SINHCAF: variants seen among roughly 807,000 people sequenced by gnomAD.
SINHCAF encodes the protein SIN3-HDAC complex-associated factor.
In SINHCAF, 3 loss-of-function variants were observed where a neutral mutation model predicts 25.8. The ratio of observed to expected loss-of-function variants is 0.12; its 90% CI spans 0.05 to 0.30. SINHCAF has a LOEUF of 0.30. Ranked by LOEUF, SINHCAF falls within the 10% of genes least tolerant of loss-of-function variation. The pLI, the probability that SINHCAF is intolerant of heterozygous loss-of-function variation, is 1.00. For synonymous variants in SINHCAF, 70 were observed against 85.5 expected, an observed-to-expected ratio of 0.82 and a Z score of 1.00; for missense variants, 121 against 262.3, an observed-to-expected ratio of 0.46 and a Z score of 3.72.
chr12:31,310,716 G>A lies in SINHCAF; in HGVS notation c.-20-12492C>T, dbSNP rs11051384. 1.9e-3 allele frequency among the ~76,000 whole-genome samples: 291 copies of A among 152,086 alleles called. 7 individuals carry two copies. The East Asian group carries it at 0.048, about 25-fold the overall frequency. On this transcript the variant is annotated intron_variant, in intron 1 of 5. Transcript: ENST00000337682. ...GGTAGTGCATCACCCAAATTGTTTG[G>A]GAAATTTTAATAATATGTCATTTTT...
intron 1 of SINHCAF, among the ~76,000 whole-genome samples, chr12:31,314,481 G>A (rs1187882660): frequency 2.0e-5 from 3 of 151,968 alleles, no homozygotes; most frequent in African/African-American, 7.3e-5. Context: ...AGCCGAGATC[G>A]CGCCATTGCA....
intron 2 of SINHCAF, 91 bp from the exon 3 acceptor site, chr12:31,295,424 T>TAAACC: frequency 6.2e-6 from 5 of 802,150 alleles, no homozygotes; most frequent in Non-Finnish European, 1.1e-5. Flanking sequence ...ACTGTATCTA[T>TAAACC]GTATGGTTTA....
intron 1 of SINHCAF, among the ~76,000 whole-genome samples, chr12:31,312,860 CATT>C (rs1289420927): frequency 6.6e-6 from 1 of 152,126 alleles, no homozygotes; most frequent in Non-Finnish European, 1.5e-5. Flanking sequence ...AAATAATCTC[CATT>C]ATTATCTTCC....
Position 31,324,831 on chromosome 12 carries a change from T to G in SINHCAF, c.-21+1193A>C, listed in dbSNP as rs1460086082. On this transcript the variant is annotated intron_variant, in intron 1 of 5. Coordinates refer to ENST00000337682, the MANE Select transcript of SINHCAF (RefSeq NM_001135812.2). This position sits in a 1 kb window ranked among gnomAD's most constrained non-coding sequence, Gnocchi z 5.5. ...GAGCAGGCCCATTTAATCAAAGTTT[T>G]GCAGTGTCCTTGATGAGAAACGCCC... The G allele has an allele frequency of 5.2e-6, 2 of 384,050 alleles. No homozygotes were observed. The highest frequency in any genetic ancestry group is 1.5e-4 in the East Asian group (2 of 13,706). 23.8% of individuals were successfully genotyped at this position (384,050 alleles called of 1,614,324 possible). A position where few individuals can be genotyped will look rare whatever the true frequency, so the allele number is the denominator to read the frequency against.
rs527799980 is a variant in SINHCAF at position 31,297,959 on chromosome 12, A to G, written c.128+118T>C. 24 of 1,065,800 alleles carry G rather than the reference A, an allele frequency of 2.3e-5. No homozygotes were observed. In the South Asian group the frequency reaches 3.7e-4, roughly 16 times the overall value. 66.0% of individuals were successfully genotyped at this position (1,065,800 alleles called of 1,614,324 possible). A position where few individuals can be genotyped will look rare whatever the true frequency, so the allele number is the denominator to read the frequency against. ...AAAGCAGGAGACTTACACAGCCTAA[A>G]TTAGAATAAGTGATTTTTATTATTA... On this transcript the variant is annotated intron_variant, in intron 2 of 5. Coordinates refer to ENST00000337682, the MANE Select transcript of SINHCAF (RefSeq NM_001135812.2).
intron 1 of SINHCAF, among the ~76,000 whole-genome samples, chr12:31,310,630 A>C (rs1364144443): frequency 1.3e-5 from 2 of 152,226 alleles, no homozygotes; most frequent in African/African-American, 4.8e-5. Flanking sequence ...CTGGTCAGCC[A>C]GTTGACCAGT....
intron 1 of SINHCAF, among the ~76,000 whole-genome samples, chr12:31,311,014 T>C (rs1939245074): frequency 6.6e-6 from 1 of 151,996 alleles, no homozygotes; most frequent in South Asian, 2.1e-4. Flanking sequence ...AGATTACAGG[T>C]GTGTGCCACC....
intron 5 of SINHCAF, among the ~76,000 whole-genome samples, chr12:31,286,580 C>G (rs907864695): frequency 6.6e-6 from 1 of 150,888 alleles, no homozygotes; most frequent in Admixed American, 6.6e-5. Flanking sequence ...AGGAGAATCA[C>G]TGAACCCGGG....
At chr12:31,318,987 C>A (rs975183448) in intron 1 of SINHCAF, among the ~76,000 whole-genome samples, 2 of 152,098 alleles carry the variant, frequency 1.3e-5, no homozygotes, top group Non-Finnish European at 2.9e-5. Flanking sequence ...ACAAATTTAA[C>A]TGAAGGTAAA....
At chr12:31,283,279 T>C (rs1937882105) in intron 5 of SINHCAF, among the ~76,000 whole-genome samples, 1 of 152,128 alleles carries the variant, frequency 6.6e-6, no homozygotes, top group Non-Finnish European at 1.5e-5. Context: ...GCTTGAGTGG[T>C]AATTTTTAAT....
intron 3 of SINHCAF, among the ~76,000 whole-genome samples, chr12:31,294,402 G>A (rs1938462561): frequency 6.6e-6 from 1 of 152,142 alleles, no homozygotes; most frequent in Admixed American, 6.5e-5. Context: ...TTCACCAAGC[G>A]AGTAAATGGG....
intron 5 of SINHCAF, 24 bp downstream of exon 5, chr12:31,287,610 A>G (rs1445117379): frequency 6.4e-7 from 1 of 1,553,054 alleles, no homozygotes; most frequent in African/African-American, 1.4e-5. Flanking sequence ...TTTGCTGGTT[A>G]GAGAGATACT....
chr12:31,295,859 C>T (rs1271837052), intron 2 of SINHCAF, among the ~76,000 whole-genome samples: 3 of 149,874 alleles, frequency 2.0e-5, no homozygotes, highest in Non-Finnish European at 4.4e-5. Context: ...GCAACAAGAG[C>T]GAGACTCCAT....
At chr12:31,291,160 C>CA (rs767411087) in intron 4 of SINHCAF, among the ~76,000 whole-genome samples, 2 of 152,302 alleles carry the variant, frequency 1.3e-5, no homozygotes, top group South Asian at 4.1e-4. Context: ...GGAACTGACT[C>CA]AGCTCAAACA....
intron 1 of SINHCAF, among the ~76,000 whole-genome samples, chr12:31,299,612 G>A (rs186077040): frequency 4.6e-5 from 7 of 152,250 alleles, no homozygotes; most frequent in Admixed American, 2.0e-4. Context: ...CACCGTGCCC[G>A]GCCAAGAAAA....
chr12:31,308,566 C>T (rs1037092544), intron 1 of SINHCAF, among the ~76,000 whole-genome samples: 3 of 152,080 alleles, frequency 2.0e-5, no homozygotes, highest in East Asian at 1.9e-4. Flanking sequence ...GAAGTAAGTA[C>T]AAGTTTTCTT....
chr12:31,283,902 T>C (rs530109924), intron 5 of SINHCAF, among the ~76,000 whole-genome samples: 11 of 134,678 alleles, frequency 8.2e-5, no homozygotes, highest in African/African-American at 2.6e-4. Flanking sequence ...AGAATCACAA[T>C]GTATTCTGCA....
chr12:31,296,045 T>TA (rs917242546), intron 2 of SINHCAF, among the ~76,000 whole-genome samples: 4 of 151,850 alleles, frequency 2.6e-5, no homozygotes, highest in African/African-American at 4.8e-5. Flanking sequence ...TAATTTAATT[T>TA]AAAAAAATGC....
At chr12:31,291,974 A>C (rs1196637517) in intron 4 of SINHCAF, among the ~76,000 whole-genome samples, 1 of 147,816 alleles carries the variant, frequency 6.8e-6, no homozygotes, top group African/African-American at 2.5e-5. Context: ...CTGAGCCTCC[A>C]CAATCTACAC....
Sources: gnomAD v4.1 joint callset for allele counts (sites outside exome capture counted in the v4.1 genomes callset) on GRCh38, gnomAD v4.1.1 for gene constraint, Gnocchi (gnomAD v3.1) non-coding constraint, MANE v1.5 for transcripts, NCBI Gene and HGNC (gene_info 2026-07-23, HGNC 2026-07-21) for gene names.